Variants in TMLHE observed in about 807,000 individuals in gnomAD.
TMLHE encodes trimethyllysine hydroxylase, epsilon, also known as trimethyllysine dioxygenase, mitochondrial.
TMLHE carries 18 observed loss-of-function variants against 25.7 expected under a neutral mutation model. The ratio of observed to expected loss-of-function variants is 0.70; its 90% CI spans 0.48 to 1.04. The LOEUF is 1.04. Among genes scored for constraint, TMLHE ranks in the 50% least tolerant of loss-of-function variants. The probability of loss-of-function intolerance (pLI) is 0.00; values close to 1 mark genes in which losing one functional copy is unlikely to be tolerated. For synonymous variants in TMLHE, 105 were observed against 97.0 expected, an observed-to-expected ratio of 1.08 and a Z score of -0.49; for missense variants, 236 against 259.0, an observed-to-expected ratio of 0.91 and a Z score of 0.61.
chrX:155,522,366 C>G (rs781927809), intron 3 of TMLHE, among the ~76,000 whole-genome samples: 4 of 111,729 alleles, frequency 3.6e-5, no homozygotes, highest in Admixed American at 1.9e-4. Context: ...AATACCCAAA[C>G]CAAGAAAGTG....
intron 2 of TMLHE, among the ~76,000 whole-genome samples, chrX:155,543,180 A>G (rs1335250906): frequency 9.0e-6 from 1 of 111,161 alleles, no homozygotes; most frequent in Non-Finnish European, 1.9e-5. Flanking sequence ...TACTCCACAT[A>G]GTACTGGAAG....
At chrX:155,582,371 T>G (rs2067635374) in intron 1 of TMLHE, among the ~76,000 whole-genome samples, 1 of 111,780 alleles carries the variant, frequency 8.9e-6, no homozygotes, top group Non-Finnish European at 1.9e-5. Context: ...GAAACTACCA[T>G]CAGAGTGAAC....
intron 1 of TMLHE, among the ~76,000 whole-genome samples, chrX:155,573,887 G>C: frequency 1.1e-5 from 1 of 94,067 alleles, no homozygotes; most frequent in African/African-American, 4.1e-5. Flanking sequence ...AATGCTAAAT[G>C]ACGAGTTAAT....
intron 2 of TMLHE, among the ~76,000 whole-genome samples, chrX:155,540,534 C>CT (rs1387288680): frequency 1.8e-5 from 2 of 110,356 alleles, no homozygotes; most frequent in Admixed American, 9.7e-5. Context: ...ACAAGAAATG[C>CT]TAAAGGGATC....
intron 5 of TMLHE, among the ~76,000 whole-genome samples, chrX:155,510,273 A>G (rs1483294266): frequency 9.5e-5 from 5 of 52,448 alleles, no homozygotes; most frequent in African/African-American, 2.4e-4. Context: ...TTATACTTTA[A>G]GTTTTAGGGT....
At chrX:155,547,572 A>G (rs988122671) in intron 1 of TMLHE, among the ~76,000 whole-genome samples, 1 of 111,826 alleles carries the variant, frequency 8.9e-6, no homozygotes, top group Non-Finnish European at 1.9e-5. Context: ...ACTATTTATA[A>G]TAGTTTTAAG....
chrX:155,586,832 T>G (rs2067667963), intron 1 of TMLHE, among the ~76,000 whole-genome samples: 1 of 111,808 alleles, frequency 8.9e-6, no homozygotes, highest in Non-Finnish European at 1.9e-5. Context: ...ATAGAAAAGC[T>G]GAACAGATCA....
chrX:155,511,425 TC>T lies in TMLHE; in HGVS notation c.758+247del, dbSNP rs782185674. ...CAGAACCATGAGACAATTAAATCTC[TC>T]TTTTTTTTTTTTATAAATTACCCAG... On this transcript the variant is annotated intron_variant, in intron 5 of 7. Coordinates refer to ENST00000334398, the MANE Select transcript of TMLHE (RefSeq NM_018196.4). Among the ~76,000 whole-genome samples, 6 of 48,856 alleles carry T rather than the reference TC, an allele frequency of 1.2e-4. No homozygotes were observed. The Admixed American group carries it at 1.4e-3, about 11-fold the overall frequency. 42.4% of individuals were successfully genotyped at this position (48,856 alleles called of 115,157 possible).
intron 1 of TMLHE, among the ~76,000 whole-genome samples, chrX:155,588,161 C>T (rs2067675411): frequency 8.9e-6 from 1 of 111,760 alleles, no homozygotes; most frequent in Non-Finnish European, 1.9e-5. Flanking sequence ...GACACATAGA[C>T]AAATGGAACA....
intron 1 of TMLHE, among the ~76,000 whole-genome samples, chrX:155,597,543 A>C (rs1356825256): frequency 8.9e-6 from 1 of 111,910 alleles, no homozygotes; most frequent in African/African-American, 3.3e-5. Context: ...AGACACATGC[A>C]CACGTATGTT....
intron 1 of TMLHE, among the ~76,000 whole-genome samples, chrX:155,556,664 T>G (rs1317119990): frequency 9.1e-6 from 1 of 109,951 alleles, no homozygotes; most frequent in African/African-American, 3.3e-5. Context: ...AAATTGCTAA[T>G]GAAGTTTTGG....
rs782173305 is a variant in TMLHE at position 155,596,386 on chromosome X, C to T, written c.-2+16406G>A. On this transcript the variant is annotated intron_variant, in intron 1 of 7. Transcript: ENST00000334398. The stretch of plus-strand genomic sequence containing the variant: ...ACCCAGAACCCCCATGAGTTCAACA[C>T]CAAAGGCGTTTAAGGGGTCTACTTG... 2.5e-3 allele frequency among the ~76,000 whole-genome samples: 281 copies of T among 111,490 alleles called. 2 individuals are homozygous for T. Among genetic ancestry groups the T allele is most frequent in the Non-Finnish European group, 3.7e-3 (195 of 53,065 alleles).
At chrX:155,535,141 T>C (rs1339197650) in intron 2 of TMLHE, among the ~76,000 whole-genome samples, 1 of 111,982 alleles carries the variant, frequency 8.9e-6, no homozygotes, top group Non-Finnish European at 1.9e-5. Context: ...TTAAGCCACC[T>C]GGGCTATGGT....
At chrX:155,609,367 T>C (rs2067805865) in intron 1 of TMLHE, among the ~76,000 whole-genome samples, 1 of 110,728 alleles carries the variant, frequency 9.0e-6, no homozygotes, top group East Asian at 2.8e-4. Flanking sequence ...AAGGGGACAA[T>C]AGACACGGGG....
At chrX:155,575,268 T>G (rs1268034717) in intron 1 of TMLHE, among the ~76,000 whole-genome samples, 1 of 112,109 alleles carries the variant, frequency 8.9e-6, no homozygotes, top group Non-Finnish European at 1.9e-5. Flanking sequence ...TCATTTTAAT[T>G]TGATTACCTC....
At chrX:155,567,469 AT>A (rs1233973128) in intron 1 of TMLHE, among the ~76,000 whole-genome samples, 1 of 62,519 alleles carries the variant, frequency 1.6e-5, no homozygotes, top group Non-Finnish European at 4.5e-5. Flanking sequence ...ATTAAAAAAA[AT>A]AAATCACCCA....
At chrX:155,508,200 A>C (rs2067087095) in intron 5 of TMLHE, among the ~76,000 whole-genome samples, 1 of 111,361 alleles carries the variant, frequency 9.0e-6, no homozygotes, top group Admixed American at 9.6e-5. Context: ...GGTGACTATT[A>C]ATTGACTGGA....
chrX:155,560,875 G>C (rs1267065450), intron 1 of TMLHE, among the ~76,000 whole-genome samples: 2 of 61,492 alleles, frequency 3.3e-5, no homozygotes, highest in African/African-American at 7.2e-5. Context: ...TAGGTAACAT[G>C]ATGACACATT....
At chrX:155,585,007 G>A (rs2067655299) in intron 1 of TMLHE, among the ~76,000 whole-genome samples, 2 of 111,369 alleles carry the variant, frequency 1.8e-5, no homozygotes, top group South Asian at 7.5e-4. Flanking sequence ...TACCACTACA[G>A]AAAATCACCA....
Sources: allele counts gnomAD v4.1 joint callset (sites outside exome capture counted in the v4.1 genomes callset), GRCh38; gene constraint gnomAD v4.1.1; transcripts MANE v1.5; gene names NCBI Gene and HGNC (gene_info 2026-07-23, HGNC 2026-07-21).